Variants in COX20 observed in about 807,000 individuals in gnomAD.
COX20 encodes the protein cytochrome c oxidase assembly protein COX20, mitochondrial.
Under a neutral mutation model 14.3 loss-of-function variants are expected in COX20, and 14 were observed. That is an observed-to-expected ratio of 0.98 (90% CI 0.65 to 1.53). The LOEUF (loss-of-function observed/expected upper bound fraction) is 1.53, where lower values mean the gene tolerates loss of function less well. Ranked by LOEUF, COX20 falls within the 40% of genes most tolerant of loss-of-function variation. The probability of loss-of-function intolerance (pLI) is 0.00; values close to 1 mark genes in which losing one functional copy is unlikely to be tolerated. For missense variants in COX20, 149 were observed against 142.1 expected (o/e 1.05, Z -0.25); for synonymous variants, 56 against 51.7 (o/e 1.08, Z -0.36).
chr1:244,838,194 C>T (rs1680059056), intron 1 of COX20, among the ~76,000 whole-genome samples: 1 of 152,080 alleles, frequency 6.6e-6, no homozygotes, highest in South Asian at 2.1e-4. Flanking sequence ...AAGGATGACT[C>T]TTAGTTTTTG....
Position 244,843,462 on chromosome 1 carries a change from G to T in COX20, c.*286G>T, listed in dbSNP as rs556161698. On this transcript the variant is annotated 3_prime_UTR_variant, in exon 4 of 4. Coordinates refer to ENST00000411948, the MANE Select transcript of COX20 (RefSeq NM_198076.6). The stretch of plus-strand genomic sequence containing the variant: ...AAACATAGTGTTTAATGTACTTGGA[G>T]TTTCCTTGTAGTAGTAAGTATAGAG... 50 of 323,168 alleles carry T rather than the reference G, an allele frequency of 1.5e-4. No individual in the cohort carries two copies. Among genetic ancestry groups the T allele is most frequent in the African/African-American group, 9.6e-4 (43 of 44,682 alleles). The allele number at this position is 323,168 out of a possible 1,614,324, so 20.0% of individuals were successfully genotyped here.
rs1558179714 is a variant in COX20 at position 244,843,327 on chromosome 1, T to C, written c.*151T>C. 8.5e-6 allele frequency: 7 copies of C among 825,580 alleles called. No homozygotes were observed. Among genetic ancestry groups the C allele is most frequent in the Non-Finnish European group, 1.1e-5 (6 of 534,286 alleles). 51.1% of individuals were successfully genotyped at this position (825,580 alleles called of 1,614,324 possible). On this transcript the variant is annotated 3_prime_UTR_variant, in exon 4 of 4. Coordinates refer to ENST00000411948, the MANE Select transcript of COX20 (RefSeq NM_198076.6). ...TGTGGAATGAAAACTTGCCAGTTTA[T>C]TCTGGCCCTGTGTCTACTGCCAGGA... is the stretch of plus-strand genomic sequence containing the variant.
Position 244,843,012 on chromosome 1 carries a change from A to G in COX20, c.222-29A>G, listed in dbSNP as rs1680272175. ...TTAATTTCTGTAGGACTTTATATTA[A>G]CAATTTATTCATATTCTTTTCTTCT... is the stretch of plus-strand genomic sequence containing the variant. On this transcript the variant is annotated intron_variant, in intron 3 of 3. Transcript: ENST00000411948. 3.4e-6 allele frequency: 5 copies of G among 1,460,398 alleles called. No homozygotes were observed. The East Asian group carries it at 1.3e-4, about 37-fold the overall frequency. 90.5% of individuals were successfully genotyped at this position (1,460,398 alleles called of 1,614,324 possible).
chr1:244,838,782 A>AC (rs762095360), intron 1 of COX20, among the ~76,000 whole-genome samples: 158 of 151,820 alleles, frequency 1.0e-3, no homozygotes, highest in Non-Finnish European at 9.4e-4. Context: ...AGAGGGGTGT[A>AC]TAGAGGATTT....
rs1680236154 is a variant in COX20, at chr1:244,842,230, G to C, written c.193G>C (p.Gly65Arg). The part of the protein sequence containing the change: ...IRRSCDVGVG[G>R]FILVTLGCWF... ...AAGATCATGTGATGTTGGAGTAGGA[G>C]GGTTTATCTTGGTGACTTTGGGATG... Residue 65 changes from glycine (G) to arginine (R), a missense_variant, in exon 3 of 4, where the codon GGG (glycine) becomes CGG (arginine). By Grantham distance (125) the Gly-to-Arg change is moderately radical (BLOSUM62 -2). Coordinates refer to ENST00000411948, the MANE Select transcript of COX20 (RefSeq NM_198076.6). 1 of 1,609,480 alleles carries C rather than the reference G, an allele frequency of 6.2e-7. No homozygotes were observed. Among genetic ancestry groups the C allele is most frequent in the African/African-American group, 1.3e-5 (1 of 74,876 alleles).
chr1:244,836,409 C>G, intron 1 of COX20: 1 of 1,317,886 alleles, frequency 7.6e-7, no homozygotes. Context: ...TATAGTAAAG[C>G]TAAACCAAGC....
intron 1 of COX20, chr1:244,836,623 G>A: frequency 9.3e-7 from 1 of 1,075,024 alleles, no homozygotes; most frequent in Admixed American, 2.5e-5. Flanking sequence ...AAAGAATAAT[G>A]CAAGAGGAAA....
chr1:244,835,857 G>A (rs1679961510), intron 1 of COX20, 101 bp downstream of exon 1: 2 of 815,350 alleles, frequency 2.5e-6, no homozygotes, highest in Non-Finnish European at 3.3e-6. Flanking sequence ...TGGCTTCTCT[G>A]CCACCCATGG....
At position 244,842,179 on chromosome 1, in the gene COX20, A is replaced by C; in HGVS notation, c.158-16A>C. ...CGTAATTATATTCTAATTAATTGTT[A>C]TGCTTATTTTTACAGGTAGAATTAG... On this transcript the variant is annotated splice_polypyrimidine_tract_variant and intron_variant, in intron 2 of 3. Transcript: ENST00000411948. 6.4e-7 allele frequency: 1 copy of C among 1,568,500 alleles called. No individual in the cohort carries two copies. The highest frequency in any genetic ancestry group is 8.8e-7 in the Non-Finnish European group (1 of 1,140,802).
rs541234844 is a variant in COX20 at position 244,844,407 on chromosome 1, A to C, written c.*1231A>C. On this transcript the variant is annotated 3_prime_UTR_variant, in exon 4 of 4. Coordinates refer to ENST00000411948, the MANE Select transcript of COX20 (RefSeq NM_198076.6). ...AAAGGAAGACAGTTTGCCCACTCTTAGTGGCACAAATCAAAGCTGCATGCA... is the reference window on the plus strand; with the variant it reads ...AAAGGAAGACAGTTTGCCCACTCTTCGTGGCACAAATCAAAGCTGCATGCA... The C allele has an allele frequency of 6.6e-6, 1 of 152,356 alleles. No homozygotes were observed. The highest frequency in any genetic ancestry group is 2.1e-4 in the South Asian group (1 of 4,828). 9.4% of individuals were successfully genotyped at this position (152,356 alleles called of 1,614,324 possible).
chr1:244,839,353 A>G (rs1473131524), intron 1 of COX20, among the ~76,000 whole-genome samples: 1 of 152,096 alleles, frequency 6.6e-6, no homozygotes, highest in African/African-American at 2.4e-5. Flanking sequence ...CTGGCTTGGA[A>G]ATCTCTTGAG....
intron 2 of COX20, 26 bp from the exon 3 acceptor site, chr1:244,842,169 A>G: frequency 6.5e-7 from 1 of 1,539,492 alleles, no homozygotes; most frequent in Non-Finnish European, 9.0e-7. Context: ...TTATATTCTA[A>G]TTAATTGTTA....
intron 3 of COX20, chr1:244,842,662 T>C: frequency 4.3e-6 from 1 of 232,824 alleles, no homozygotes; most frequent in South Asian, 7.3e-5. Context: ...GTTCCATTTA[T>C]ACATGAATTT....
At chr1:244,836,361 C>T in intron 1 of COX20, 1 of 745,532 alleles carries the variant, frequency 1.3e-6, no homozygotes, top group Non-Finnish European at 2.3e-6. Context: ...TCGTAGCAGC[C>T]CATCCTATCT....
chr1:244,843,939 A>G lies in COX20; in HGVS notation c.*763A>G, dbSNP rs1162892777. ...GCATCTAACTAAATCCTCAGGATTT[A>G]TTCTCCGGGAGAAATTATCCCTTTC... On this transcript the variant is annotated 3_prime_UTR_variant, in exon 4 of 4. Transcript: ENST00000411948. 2 of 152,252 alleles carry G rather than the reference A, an allele frequency of 1.3e-5. No homozygotes were observed. The highest frequency in any genetic ancestry group is 1.9e-4 in the East Asian group (1 of 5,208). The allele number at this position is 152,252 out of a possible 1,614,324, so 9.4% of individuals were successfully genotyped here. A position where few individuals can be genotyped will look rare whatever the true frequency, so the allele number is the denominator to read the frequency against.
At position 244,843,313 on chromosome 1, in the gene COX20, A is replaced by G; in HGVS notation, c.*137A>G. On this transcript the variant is annotated 3_prime_UTR_variant, in exon 4 of 4. Coordinates refer to ENST00000411948, the MANE Select transcript of COX20 (RefSeq NM_198076.6). ...TTTTCCCACACTTGTGTGGAATGAA[A>G]ACTTGCCAGTTTATTCTGGCCCTGT... 9.8e-7 allele frequency: 1 copy of G among 1,019,484 alleles called. No individual in the cohort carries two copies. Among genetic ancestry groups the G allele is most frequent in the Non-Finnish European group, 1.4e-6 (1 of 701,148 alleles). 63.2% of individuals were successfully genotyped at this position (1,019,484 alleles called of 1,614,324 possible).
chr1:244,841,702 C>T, intron 1 of COX20: 1 of 393,278 alleles, frequency 2.5e-6, no homozygotes, highest in South Asian at 4.8e-5. Flanking sequence ...AGATACAGCT[C>T]CAAGTTACCC....
rs1012694937 is a variant in COX20, at chr1:244,842,211, A to G, written c.174A>G (p.Ser58=). Reference sequence around the variant, plus strand: ...TTTTTACAGGTAGAATTAGAAGATCATGTGATGTTGGAGTAGGAGGGTTTA... The same window carrying G: ...TTTTTACAGGTAGAATTAGAAGATCGTGTGATGTTGGAGTAGGAGGGTTTA... The part of the protein sequence containing the change: ...HFLFTSRIRR[S]CDVGVGGFIL... Residue 58 remains serine (S), a synonymous_variant, in exon 3 of 4, where the codon TCA becomes TCG. Coordinates refer to ENST00000411948, the MANE Select transcript of COX20 (RefSeq NM_198076.6). 18 of 1,607,628 alleles carry G rather than the reference A, an allele frequency of 1.1e-5. No individual in the cohort carries two copies. Among genetic ancestry groups the G allele is most frequent in the Non-Finnish European group, 1.5e-5 (18 of 1,174,524 alleles).
chr1:244,843,272 TA>T lies in COX20; in HGVS notation c.*98del. The stretch of plus-strand genomic sequence containing the variant: ...AGCTCTCAATCAAGTAAATAAAGTT[TA>T]AGTTGTAGTCATTTTTTTCCCACAC... On this transcript the variant is annotated 3_prime_UTR_variant, in exon 4 of 4. Coordinates refer to ENST00000411948, the MANE Select transcript of COX20 (RefSeq NM_198076.6). 3 of 1,390,992 alleles carry T rather than the reference TA, an allele frequency of 2.2e-6. No individual in the cohort carries two copies. The highest frequency in any genetic ancestry group is 2.9e-6 in the Non-Finnish European group (3 of 1,026,420). 86.2% of individuals were successfully genotyped at this position (1,390,992 alleles called of 1,614,324 possible).
Sources: allele counts gnomAD v4.1 joint callset (sites outside exome capture counted in the v4.1 genomes callset), GRCh38; gene constraint gnomAD v4.1.1; transcripts MANE v1.5; gene names NCBI Gene and HGNC (gene_info 2026-07-23, HGNC 2026-07-21).